The following ATP2A2 variants were observed in gnomAD, a reference collection of about 807,000 sequenced individuals.
ATP2A2 encodes sarcoplasmic/endoplasmic reticulum calcium ATPase 2.
In ATP2A2, 14 loss-of-function variants were observed where a neutral mutation model predicts 109.3. The ratio of observed to expected loss-of-function variants is 0.13; its 90% CI spans 0.08 to 0.20. The LOEUF is 0.20. ATP2A2 is among the 10% of genes least tolerant of loss of function. The pLI, the probability that ATP2A2 is intolerant of heterozygous loss-of-function variation, is 1.00. For synonymous variants in ATP2A2, 506 were observed against 490.9 expected (o/e 1.03, Z -0.41); for missense variants, 657 against 1,321.6 (o/e 0.50, Z 7.80).
In ATP2A2 at chr12:110,347,058, C is replaced by T. The variant is rs957925316; in HGVS notation, c.*588C>T. 2 of 1,082,214 alleles carry T rather than the reference C, an allele frequency of 1.8e-6. No individual in the cohort carries two copies. Among genetic ancestry groups the T allele is most frequent in the African/African-American group, 1.7e-5 (1 of 58,250 alleles). 67.0% of individuals were successfully genotyped at this position (1,082,214 alleles called of 1,614,324 possible). A position where few individuals can be genotyped will look rare whatever the true frequency, so the allele number is the denominator to read the frequency against. On this transcript the variant is annotated 3_prime_UTR_variant, in exon 20 of 20. Coordinates refer to ENST00000539276, the MANE Select transcript of ATP2A2 (RefSeq NM_170665.4). ...CACCTCTCCCCACCTTACCCCCGCCCCGCTTGGCTTCTTCTTTAGGATTGT... is the reference window on the plus strand; with the variant it reads ...CACCTCTCCCCACCTTACCCCCGCCTCGCTTGGCTTCTTCTTTAGGATTGT...
At chr12:110,332,875 T>C (rs896751288) in intron 9 of ATP2A2, among the ~76,000 whole-genome samples, 190 bp downstream of exon 9, 1 of 152,272 alleles carries the variant, frequency 6.6e-6, no homozygotes, top group Non-Finnish European at 1.5e-5. Flanking sequence ...CCAGTCATCT[T>C]TTTGCATCTT....
At chr12:110,324,973 C>T (rs1442973705) in intron 6 of ATP2A2, among the ~76,000 whole-genome samples, 5 of 151,738 alleles carry the variant, frequency 3.3e-5, no homozygotes, top group African/African-American at 1.2e-4. Context: ...TGCACCACCA[C>T]ACCTGGCTAA....
At chr12:110,295,740 G>A (rs576759623) in intron 4 of ATP2A2, among the ~76,000 whole-genome samples, 1 of 152,252 alleles carries the variant, frequency 6.6e-6, no homozygotes, top group African/African-American at 2.4e-5. Context: ...CTGAAATCGG[G>A]AAGAAAATTA....
At chr12:110,293,827 T>C (rs916696583) in intron 4 of ATP2A2, among the ~76,000 whole-genome samples, 7 of 48,966 alleles carry the variant, frequency 1.4e-4, no homozygotes, top group African/African-American at 2.1e-4. Context: ...GCCATATATA[T>C]GTGTGTGTGT....
chr12:110,323,270 C>T (rs118088931), intron 6 of ATP2A2, among the ~76,000 whole-genome samples, 198 bp downstream of exon 6: 6,389 of 152,240 alleles, frequency 0.042, 181 homozygotes, highest in Non-Finnish European at 0.062. Context: ...CTGCAGCCTC[C>T]GCCTCTCAGG....
chr12:110,311,359 G>A (rs1350735384), intron 5 of ATP2A2, among the ~76,000 whole-genome samples: 1 of 152,082 alleles, frequency 6.6e-6, no homozygotes, highest in Non-Finnish European at 1.5e-5. Flanking sequence ...GGAGGCGGAG[G>A]CGGGTGGATC....
intron 3 of ATP2A2, among the ~76,000 whole-genome samples, chr12:110,290,034 G>T (rs1873096309): frequency 6.6e-6 from 1 of 152,202 alleles, no homozygotes; most frequent in Non-Finnish European, 1.5e-5. Flanking sequence ...GCAGTGTTCT[G>T]TGACCAGTTA....
intron 14 of ATP2A2, 54 bp downstream of exon 14, chr12:110,341,048 C>T: frequency 6.3e-7 from 1 of 1,588,778 alleles, no homozygotes; most frequent in Non-Finnish European, 8.6e-7. Flanking sequence ...CACATAGTAG[C>T]CTCTAATTTT....
At chr12:110,344,831 G>GT in intron 16 of ATP2A2, 55 bp from the exon 17 acceptor site, 2 of 1,552,116 alleles carry the variant, frequency 1.3e-6, no homozygotes, top group Non-Finnish European at 8.9e-7. Context: ...CATGGCCTCG[G>GT]TGGCAGCGAG....
intron 11 of ATP2A2, among the ~76,000 whole-genome samples, chr12:110,338,788 A>G (rs1879085316): frequency 6.6e-6 from 1 of 152,188 alleles, no homozygotes; most frequent in Non-Finnish European, 1.5e-5. Flanking sequence ...ATGCCCCATA[A>G]TGACTTTTGA....
intron 5 of ATP2A2, among the ~76,000 whole-genome samples, chr12:110,313,127 A>G (rs1876270386): frequency 6.6e-6 from 1 of 152,042 alleles, no homozygotes; most frequent in African/African-American, 2.4e-5. Flanking sequence ...GTTGATCTTG[A>G]AGCCTGACCT....
At chr12:110,301,119 G>T (rs1167263070) in intron 5 of ATP2A2, among the ~76,000 whole-genome samples, 3 of 151,578 alleles carry the variant, frequency 2.0e-5, no homozygotes, top group Non-Finnish European at 4.4e-5. Flanking sequence ...CTCTTGCCTT[G>T]GCCTCCCAAA....
At chr12:110,331,094 AT>A (rs1878289053) in intron 8 of ATP2A2, 1 of 151,962 alleles carries the variant, frequency 6.6e-6, no homozygotes, top group African/African-American at 2.4e-5. Context: ...TATTACAAAA[AT>A]TAGCTGGGCA....
intron 5 of ATP2A2, among the ~76,000 whole-genome samples, chr12:110,297,822 T>C (rs1874133369): frequency 6.6e-6 from 1 of 152,136 alleles, no homozygotes; most frequent in South Asian, 2.1e-4. Context: ...TTTGCCATGT[T>C]GCTCAGGCTA....
At chr12:110,296,516 A>G (rs1873978423) in intron 4 of ATP2A2, 83 bp from the exon 5 acceptor site, 2 of 1,563,180 alleles carry the variant, frequency 1.3e-6, no homozygotes, top group Non-Finnish European at 1.8e-6. Context: ...TAAAGATTAG[A>G]CCTCTAACAT....
intron 5 of ATP2A2, among the ~76,000 whole-genome samples, chr12:110,319,060 T>C (rs1204038375): frequency 6.6e-6 from 1 of 151,948 alleles, no homozygotes; most frequent in Admixed American, 6.6e-5. Context: ...AATTTTAAAA[T>C]TAACCTGGTG....
intron 3 of ATP2A2, among the ~76,000 whole-genome samples, chr12:110,284,831 A>C (rs942283426): frequency 5.9e-5 from 9 of 152,160 alleles, no homozygotes; most frequent in African/African-American, 2.2e-4. Flanking sequence ...ACTTCTATAG[A>C]ATTAATTTGC....
In ATP2A2 at chr12:110,312,702, T is replaced by C. The variant is rs2008858; in HGVS notation, c.464-10290T>C. On this transcript the variant is annotated intron_variant, in intron 5 of 19. Coordinates refer to ENST00000539276, the MANE Select transcript of ATP2A2 (RefSeq NM_170665.4). ...CCATCTTCACTAAAAATACAAAAAT[T>C]ACCCGGGTGTGGTGGTGGATGCCTG... Among the ~76,000 whole-genome samples, 18 of 151,840 alleles carry C rather than the reference T, an allele frequency of 1.2e-4. No individual in the cohort carries two copies. The East Asian group carries it at 3.5e-3, about 29-fold the overall frequency.
intron 3 of ATP2A2, among the ~76,000 whole-genome samples, chr12:110,290,098 A>G (rs1873101903): frequency 6.6e-6 from 1 of 152,228 alleles, no homozygotes; most frequent in African/African-American, 2.4e-5. Context: ...TAAATGTCAT[A>G]TGGAGGATAA....
Sources: allele counts gnomAD v4.1 joint callset (sites outside exome capture counted in the v4.1 genomes callset), GRCh38; gene constraint gnomAD v4.1.1; transcripts MANE v1.5; gene names NCBI Gene and HGNC (gene_info 2026-07-23, HGNC 2026-07-21).